The following MCU variants were observed in gnomAD, a reference collection of about 807,000 sequenced individuals.
The protein encoded by MCU is mitochondrial calcium uniporter, also known as calcium uniporter protein, mitochondrial.
A neutral mutation model predicts 45.2 loss-of-function variants in MCU; 12 were observed. The observed-to-expected ratio is 0.27, with a 90% confidence interval of 0.17 to 0.43. The LOEUF is 0.43. Ranked by LOEUF, MCU falls within the 20% of genes least tolerant of loss-of-function variation. The pLI is 1.00. For missense variants in MCU, 324 were observed against 436.7 expected, an observed-to-expected ratio of 0.74 and a Z score of 2.30; for synonymous variants, 160 against 165.1, an observed-to-expected ratio of 0.97 and a Z score of 0.24.
chr10:72,777,550 A>C (rs1235923063), intron 1 of MCU, among the ~76,000 whole-genome samples: 1 of 152,192 alleles, frequency 6.6e-6, no homozygotes, highest in Non-Finnish European at 1.5e-5. Flanking sequence ...TTCACATCAA[A>C]ATGTATTAAA....
intron 1 of MCU, among the ~76,000 whole-genome samples, chr10:72,713,897 A>G (rs970814761): frequency 5.3e-5 from 8 of 150,758 alleles, no homozygotes; most frequent in African/African-American, 2.0e-4. Context: ...TCAGTTTTTT[A>G]TATTCCGGAC....
rs367930770 is a variant in MCU at position 72,853,030 on chromosome 10, GT to G, written c.221-6146del. On this transcript the variant is annotated intron_variant, in intron 2 of 7. Transcript: ENST00000373053. ...ATCTGTCCTAAAATAATTTTTTGAAGTCTTGAAAGGGCCAAACTAACATGCA... is the reference window on the plus strand; with the variant it reads ...ATCTGTCCTAAAATAATTTTTTGAAGCTTGAAAGGGCCAAACTAACATGCA... Among the ~76,000 whole-genome samples, 906 of 152,256 alleles carry G rather than the reference GT, an allele frequency of 6.0e-3. 12 individuals are homozygous for G. The highest frequency in any genetic ancestry group is 0.021 in the African/African-American group (854 of 41,554).
chr10:72,855,645 A>G (rs971078684), intron 2 of MCU, among the ~76,000 whole-genome samples: 1 of 152,226 alleles, frequency 6.6e-6, no homozygotes. Context: ...TAAAGAGATT[A>G]AAAGATAGTA....
chr10:72,874,381 A>G (rs1305057240), intron 6 of MCU, among the ~76,000 whole-genome samples: 1 of 152,166 alleles, frequency 6.6e-6, no homozygotes, highest in Non-Finnish European at 1.5e-5. Context: ...TCCCTTTAAT[A>G]TCAAATATTT....
At position 72,855,063 on chromosome 10, in the gene MCU, G is replaced by A. The variant is rs549223521; in HGVS notation, c.221-4114G>A. On this transcript the variant is annotated intron_variant, in intron 2 of 7. Transcript: ENST00000373053. Reference sequence around the variant, plus strand: ...TTGAGACCATCCTGGCCAACATAGTGAAACCCTGTCTCTACTAAAGAAAAA... The same window carrying A: ...TTGAGACCATCCTGGCCAACATAGTAAAACCCTGTCTCTACTAAAGAAAAA... Among the ~76,000 whole-genome samples, 133 of 152,188 alleles carry A rather than the reference G, an allele frequency of 8.7e-4. 5 individuals carry two copies. The South Asian group carries it at 0.027, about 31-fold the overall frequency.
chr10:72,874,921 C>T (rs542424285), intron 6 of MCU, among the ~76,000 whole-genome samples: 86 of 152,298 alleles, frequency 5.6e-4, no homozygotes, highest in African/African-American at 2.0e-3. Context: ...GTGAGATACC[C>T]ATACCTTTTG....
intron 1 of MCU, among the ~76,000 whole-genome samples, chr10:72,778,219 G>C (rs1323912904): frequency 6.6e-6 from 1 of 152,128 alleles, no homozygotes; most frequent in Non-Finnish European, 1.5e-5. Flanking sequence ...AGGGTTATCT[G>C]CACTCCTATG....
chr10:72,753,963 G>A (rs769103923), intron 1 of MCU, among the ~76,000 whole-genome samples: 47 of 152,160 alleles, frequency 3.1e-4, no homozygotes, highest in Admixed American at 1.6e-3. Flanking sequence ...TTTCCCAGAT[G>A]AGGAAACTGA....
chr10:72,801,933 A>G (rs1034177220), intron 1 of MCU, among the ~76,000 whole-genome samples: 3 of 152,134 alleles, frequency 2.0e-5, no homozygotes, highest in African/African-American at 2.4e-5. Flanking sequence ...TCGGCCTCCC[A>G]AAGTGCTAGG....
intron 1 of MCU, among the ~76,000 whole-genome samples, chr10:72,734,006 C>G (rs61692954): frequency 0.04 from 6,091 of 152,136 alleles, 395 homozygotes; most frequent in African/African-American, 0.14. Flanking sequence ...AAAAACTCCT[C>G]AGAGTAAATA....
chr10:72,694,729 C>T (rs74145916), intron 1 of MCU, among the ~76,000 whole-genome samples: 6,486 of 152,190 alleles, frequency 0.043, 396 homozygotes, highest in African/African-American at 0.13. Flanking sequence ...ACTTTTGTTC[C>T]GCTGTATGGT....
intron 1 of MCU, among the ~76,000 whole-genome samples, chr10:72,763,935 C>G (rs547584996): frequency 6.6e-6 from 1 of 152,276 alleles, no homozygotes; most frequent in South Asian, 2.1e-4. Flanking sequence ...CACACACACA[C>G]ACGCATGTGC....
chr10:72,697,552 G>T (rs1015025663), intron 1 of MCU, among the ~76,000 whole-genome samples: 1 of 148,904 alleles, frequency 6.7e-6, no homozygotes, highest in Non-Finnish European at 1.5e-5. Flanking sequence ...TCCTGCCTCA[G>T]CCTCCCAAGT....
At chr10:72,876,735 A>C (rs796304441) in intron 6 of MCU, among the ~76,000 whole-genome samples, 1 of 152,316 alleles carries the variant, frequency 6.6e-6, no homozygotes, top group South Asian at 2.1e-4. Flanking sequence ...ATCAAATTCC[A>C]AGAAGAGGTG....
intron 1 of MCU, among the ~76,000 whole-genome samples, chr10:72,741,977 G>A (rs535139162): frequency 2.0e-4 from 26 of 127,660 alleles, no homozygotes; most frequent in Non-Finnish European, 2.5e-4. Context: ...GTAGTGAGCC[G>A]AGATCACTGC....
At chr10:72,764,283 T>C (rs1843696195) in intron 1 of MCU, among the ~76,000 whole-genome samples, 1 of 152,230 alleles carries the variant, frequency 6.6e-6, no homozygotes, top group Non-Finnish European at 1.5e-5. Context: ...CATTATTCAA[T>C]TTAATGGACA....
chr10:72,716,546 C>T (rs1368710723), intron 1 of MCU, among the ~76,000 whole-genome samples: 4 of 151,906 alleles, frequency 2.6e-5, no homozygotes, highest in African/African-American at 4.8e-5. Flanking sequence ...TGGGTGTAGG[C>T]GTTCATTCAG....
intron 1 of MCU, among the ~76,000 whole-genome samples, chr10:72,810,278 A>G (rs1323111385): frequency 6.6e-6 from 1 of 151,856 alleles, no homozygotes; most frequent in Non-Finnish European, 1.5e-5. Context: ...GTGAGGGTGA[A>G]TTTCAGAAAT....
chr10:72,695,617 G>A (rs1019142700), intron 1 of MCU, among the ~76,000 whole-genome samples: 3 of 151,824 alleles, frequency 2.0e-5, no homozygotes, highest in African/African-American at 7.3e-5. Flanking sequence ...TCTAACATTC[G>A]CACTTTACAC....
Sources: gnomAD v4.1 joint callset for allele counts (sites outside exome capture counted in the v4.1 genomes callset) on GRCh38, gnomAD v4.1.1 for gene constraint, MANE v1.5 for transcripts, NCBI Gene and HGNC (gene_info 2026-07-23, HGNC 2026-07-21) for gene names.